Variants in USP10 observed in about 807,000 individuals in gnomAD.
The protein encoded by USP10 is ubiquitin carboxyl-terminal hydrolase 10.
USP10 carries 22 observed loss-of-function variants against 84.5 expected under a neutral mutation model. That is an observed-to-expected ratio of 0.26 (90% CI 0.19 to 0.37). The LOEUF is 0.37. USP10 is among the 10% of genes least tolerant of loss of function. The pLI is 1.00. For synonymous variants in USP10, 454 were observed against 387.6 expected (o/e 1.17, Z -2.01); for missense variants, 1,019 against 998.9 (o/e 1.02, Z -0.27).
At position 84,745,349 on chromosome 16, in the gene USP10, C is replaced by T. The variant is rs1395978941; in HGVS notation, c.868C>T (p.Leu290Phe). The T allele has an allele frequency of 6.2e-7, 1 of 1,613,028 alleles. No homozygotes were observed. The change falls in exon 4 of 14, where the codon CTT (leucine) becomes TTT (phenylalanine). Residue 290 changes from leucine (L) to phenylalanine (F), a missense_variant. Leu to Phe is a conservative substitution (Grantham distance 22). This residue lies in a region of USP10 where 787 missense variants were observed against 708.8 expected (regional missense o/e 1.11). Transcript: ENST00000219473. ...ENLGVANGQI[L>F]ESSGEGTATN... is the part of the protein sequence containing the mutation. The stretch of plus-strand genomic sequence containing the variant: ...CCTTGGAGTTGCTAATGGACAAATA[C>T]TTGAATCCTCGGGTGAGGGCACAGC...
intron 4 of USP10, among the ~76,000 whole-genome samples, chr16:84,756,333 C>G (rs1013955688): frequency 6.6e-6 from 1 of 152,242 alleles, no homozygotes; most frequent in East Asian, 1.9e-4. Flanking sequence ...TGGCTCATGC[C>G]TGTAATCCAA....
intron 10 of USP10, among the ~76,000 whole-genome samples, chr16:84,766,469 G>T (rs183241254): frequency 6.6e-6 from 1 of 152,324 alleles, no homozygotes; most frequent in East Asian, 1.9e-4. Context: ...GCGAGGGAAG[G>T]CTGTGCCCTT....
chr16:84,717,244 A>G (rs1013662754), intron 1 of USP10, among the ~76,000 whole-genome samples: 8 of 152,066 alleles, frequency 5.3e-5, no homozygotes, highest in African/African-American at 1.9e-4. Flanking sequence ...GTGTACATGC[A>G]TTCTTTAGGG....
At chr16:84,749,650 TACTC>T (rs762104319) in intron 4 of USP10, among the ~76,000 whole-genome samples, 1 of 152,176 alleles carries the variant, frequency 6.6e-6, no homozygotes, top group Admixed American at 6.5e-5. Flanking sequence ...TTGTTTCAAA[TACTC>T]ACATTTCTGG....
At position 84,745,095 on chromosome 16, in the gene USP10, C is replaced by A. The variant is rs372065559; in HGVS notation, c.614C>A (p.Thr205Lys). ...ATGGGTGACATGCCCCCGTCAGTTACGCCCAGGACTTGTAACAGCCCCCAG... is the reference window on the plus strand; with the variant it reads ...ATGGGTGACATGCCCCCGTCAGTTAAGCCCAGGACTTGTAACAGCCCCCAG... ...EFMGDMPPSV[T>K]PRTCNSPQNS... Residue 205 changes from threonine to lysine, a missense_variant, in exon 4 of 14, where the codon ACG (threonine) becomes AAG (lysine). Thr to Lys is a moderately conservative substitution (Grantham distance 78). This residue lies in a region of USP10 where 787 missense variants were observed against 708.8 expected (regional missense o/e 1.11). Coordinates refer to ENST00000219473, the MANE Select transcript of USP10 (RefSeq NM_005153.3). 7.4e-6 allele frequency: 12 copies of A among 1,613,524 alleles called. No homozygotes were observed. The highest frequency in any genetic ancestry group is 1.1e-5 in the South Asian group (1 of 91,068).
At chr16:84,719,368 C>T (rs1314596890) in intron 1 of USP10, among the ~76,000 whole-genome samples, 1 of 152,092 alleles carries the variant, frequency 6.6e-6, no homozygotes, top group Non-Finnish European at 1.5e-5. Flanking sequence ...ACTTGGATCA[C>T]GGGAATGCCC....
At position 84,705,523 on chromosome 16, in the gene USP10, A is replaced by G. The variant is rs565528618; in HGVS notation, c.21+5412A>G. ...TGGGATTATAGGCGTGAGCCACCAC[A>G]CCCAGCCACTCCTGTGCCTTTTGAA... On this transcript the variant is annotated intron_variant, in intron 1 of 13. Coordinates refer to ENST00000219473, the MANE Select transcript of USP10 (RefSeq NM_005153.3). 2.0e-3 allele frequency among the ~76,000 whole-genome samples: 297 copies of G among 148,040 alleles called. 2 individuals are homozygous for G. Among genetic ancestry groups the G allele is most frequent in the African/African-American group, 6.7e-3 (271 of 40,240 alleles).
chr16:84,738,994 T>A (rs1910284700), intron 2 of USP10, among the ~76,000 whole-genome samples: 1 of 152,162 alleles, frequency 6.6e-6, no homozygotes, highest in African/African-American at 2.4e-5. Context: ...AATGTCTTTT[T>A]GTTCTTTTGT....
chr16:84,746,745 G>T (rs1199513334), intron 4 of USP10, among the ~76,000 whole-genome samples: 1 of 152,136 alleles, frequency 6.6e-6, no homozygotes. Context: ...CACTTAGGCT[G>T]TACTACGTTG....
intron 1 of USP10, chr16:84,708,930 G>T (rs979457808): frequency 6.6e-6 from 1 of 152,256 alleles, no homozygotes; most frequent in African/African-American, 2.4e-5. Flanking sequence ...GTGCTTTAGA[G>T]GTTCGCTGGG....
At chr16:84,760,093 G>C in intron 7 of USP10, 79 bp from the exon 8 acceptor site, 3 of 1,512,092 alleles carry the variant, frequency 2.0e-6, no homozygotes, top group Non-Finnish European at 2.7e-6. Flanking sequence ...GGAGGTGGGG[G>C]AGTTTTGATG....
intron 4 of USP10, among the ~76,000 whole-genome samples, chr16:84,758,278 G>C (rs554453735): frequency 6.6e-6 from 1 of 152,228 alleles, no homozygotes; most frequent in Admixed American, 6.5e-5. Context: ...TGGGGATGCA[G>C]AGAGGAATGA....
chr16:84,706,710 T>C (rs538726702), intron 1 of USP10, among the ~76,000 whole-genome samples: 1 of 151,842 alleles, frequency 6.6e-6, no homozygotes, highest in East Asian at 1.9e-4. Flanking sequence ...CCAGCTAATT[T>C]TTTGTATTTT....
At chr16:84,775,889 C>G (rs932610194) in intron 13 of USP10, among the ~76,000 whole-genome samples, 1 of 72,124 alleles carries the variant, frequency 1.4e-5, no homozygotes, top group African/African-American at 3.4e-5. Context: ...ATAGCGTCAT[C>G]TTTTATGCCT....
At chr16:84,729,941 A>G (rs191401035) in intron 1 of USP10, among the ~76,000 whole-genome samples, 25 of 152,332 alleles carry the variant, frequency 1.6e-4, no homozygotes, top group East Asian at 9.6e-4. Flanking sequence ...GCTGTTGTCA[A>G]TGAGCTCTTG....
intron 13 of USP10, among the ~76,000 whole-genome samples, chr16:84,778,349 A>G (rs955990419): frequency 3.3e-5 from 5 of 152,192 alleles, no homozygotes; most frequent in Non-Finnish European, 7.3e-5. Flanking sequence ...TTAATATACC[A>G]TAAGCGTATT....
chr16:84,728,450 C>T (rs538829400), intron 1 of USP10, among the ~76,000 whole-genome samples: 18 of 152,144 alleles, frequency 1.2e-4, no homozygotes, highest in African/African-American at 3.4e-4. Flanking sequence ...AGCGATTCCC[C>T]TGCCTCAGCC....
At chr16:84,757,333 T>A (rs887484458) in intron 4 of USP10, among the ~76,000 whole-genome samples, 3 of 151,644 alleles carry the variant, frequency 2.0e-5, no homozygotes, top group African/African-American at 7.3e-5. Context: ...CAGAAATTAT[T>A]CCCTACGCTT....
chr16:84,704,634 T>G, intron 1 of USP10: 3 of 1,370,306 alleles, frequency 2.2e-6, no homozygotes, highest in Non-Finnish European at 2.9e-6. Context: ...ATGTGTATAG[T>G]ATTTGTTTCA....
Sources: allele counts gnomAD v4.1 joint callset (sites outside exome capture counted in the v4.1 genomes callset), GRCh38; gene constraint gnomAD v4.1.1; regional missense constraint gnomAD v4.1.1; transcripts MANE v1.5; gene names NCBI Gene and HGNC (gene_info 2026-07-23, HGNC 2026-07-21).